The following PTPRQ variants were observed in gnomAD, a reference collection of about 807,000 sequenced individuals.
The protein encoded by PTPRQ is phosphatidylinositol phosphatase PTPRQ.
A neutral mutation model predicts 246.0 loss-of-function variants in PTPRQ; 199 were observed. The observed-to-expected ratio is 0.81, with a 90% CI of 0.72 to 0.91. PTPRQ has a LOEUF of 0.91. PTPRQ is among the 40% of genes least tolerant of loss of function. The pLI is 0.00. For missense variants in PTPRQ, 2,624 were observed against 2,528.4 expected (o/e 1.04, Z -0.81); for synonymous variants, 869 against 853.2 (o/e 1.02, Z -0.32).
At chr12:80,554,225 G>A (rs1212234515) in intron 25 of PTPRQ, among the ~76,000 whole-genome samples, 1 of 152,094 alleles carries the variant, frequency 6.6e-6, no homozygotes, top group East Asian at 1.9e-4. Flanking sequence ...TGGAATTTTT[G>A]TAACACAGGA....
intron 25 of PTPRQ, among the ~76,000 whole-genome samples, chr12:80,568,161 T>C (rs1429524580): frequency 1.3e-5 from 2 of 152,178 alleles, no homozygotes; most frequent in African/African-American, 2.4e-5. Context: ...AAAATTTTGT[T>C]ACAATATTCA....
At chr12:80,484,700 T>C in intron 9 of PTPRQ, 95 bp downstream of exon 9, 1 of 1,431,484 alleles carries the variant, frequency 7.0e-7, no homozygotes, top group South Asian at 1.4e-5. Context: ...ACATGTAATA[T>C]TTGACCACTT....
intron 23 of PTPRQ, among the ~76,000 whole-genome samples, chr12:80,543,497 T>G (rs1334309722): frequency 6.6e-6 from 1 of 152,102 alleles, no homozygotes; most frequent in Non-Finnish European, 1.5e-5. Flanking sequence ...TGCCAAAATG[T>G]AATTAACAAG....
intron 33 of PTPRQ, 122 bp from the exon 34 acceptor site, chr12:80,632,070 T>A (rs1205564026): frequency 3.9e-6 from 5 of 1,291,970 alleles, no homozygotes; most frequent in Non-Finnish European, 5.2e-6. Context: ...AGCTGCTACA[T>A]TTTACTAGTA....
chr12:80,534,847 T>C, intron 18 of PTPRQ, 45 bp from the exon 19 acceptor site: 1 of 1,524,376 alleles, frequency 6.6e-7, no homozygotes, highest in Non-Finnish European at 8.8e-7. Context: ...CAGACATTAC[T>C]TGTAAACACA....
At chr12:80,629,177 G>GAGAGAGAA (rs1342990096) in intron 33 of PTPRQ, among the ~76,000 whole-genome samples, 1 of 151,930 alleles carries the variant, frequency 6.6e-6, no homozygotes, top group African/African-American at 2.4e-5. Flanking sequence ...CACACACAGA[G>GAGAGAGAA]AGAGAGAAAG....
In PTPRQ at chr12:80,613,626, G is replaced by T. The variant is rs1286602008; in HGVS notation, c.4953G>T (p.Gln1651His). Residue 1651 changes from glutamine (Q) to histidine (H), a missense_variant, in exon 29 of 45, where the codon CAG becomes CAT. Transcript: ENST00000644991. ...PKDPPNNMTF[Q>H]KIPDEVTKFQ... Reference sequence around the variant, plus strand: ...ACCCACCTAACAACATGACATTTCAGAAGATACCAGATGAAGTTACAAAAT... The same window carrying T: ...ACCCACCTAACAACATGACATTTCATAAGATACCAGATGAAGTTACAAAAT... 1.3e-6 allele frequency: 2 copies of T among 1,544,804 alleles called. No individual in the cohort carries two copies. Among genetic ancestry groups the T allele is most frequent in the Non-Finnish European group, 1.8e-6 (2 of 1,142,576 alleles).
At chr12:80,642,251 G>A (rs1899891787) in intron 35 of PTPRQ, among the ~76,000 whole-genome samples, 1 of 152,144 alleles carries the variant, frequency 6.6e-6, no homozygotes, top group Non-Finnish European at 1.5e-5. Context: ...TTGGCTAACA[G>A]GCAGTAAGGC....
At chr12:80,454,713 T>C (rs913653908) in intron 3 of PTPRQ, among the ~76,000 whole-genome samples, 1 of 152,180 alleles carries the variant, frequency 6.6e-6, no homozygotes, top group African/African-American at 2.4e-5. Context: ...TTCCTGCATC[T>C]GTTGAGACGA....
intron 14 of PTPRQ, among the ~76,000 whole-genome samples, chr12:80,497,810 C>T (rs1202395798): frequency 3.9e-5 from 6 of 152,058 alleles, no homozygotes. Flanking sequence ...TATTTACTGA[C>T]TAGATACTGG....
intron 3 of PTPRQ, among the ~76,000 whole-genome samples, chr12:80,448,824 G>T (rs567630463): frequency 6.8e-6 from 1 of 148,078 alleles, no homozygotes; most frequent in Non-Finnish European, 1.5e-5. Context: ...GAATAGTGCC[G>T]CAATAAACAT....
At chr12:80,489,246 G>A (rs1894372025) in intron 9 of PTPRQ, among the ~76,000 whole-genome samples, 2 of 152,002 alleles carry the variant, frequency 1.3e-5, no homozygotes. Context: ...CAACACAGTA[G>A]ATTCCAGTGG....
intron 25 of PTPRQ, among the ~76,000 whole-genome samples, chr12:80,564,093 T>G (rs1209592251): frequency 6.6e-6 from 1 of 151,986 alleles, no homozygotes; most frequent in African/African-American, 2.4e-5. Flanking sequence ...CTTTTATTTA[T>G]TTATTTTTAT....
At chr12:80,650,990 A>G (rs1466393999) in intron 37 of PTPRQ, among the ~76,000 whole-genome samples, 1 of 151,982 alleles carries the variant, frequency 6.6e-6, no homozygotes, top group African/African-American at 2.4e-5. Context: ...TATTTGATAA[A>G]CCTTTTAACT....
At chr12:80,462,229 G>A (rs1324208040) in intron 6 of PTPRQ, among the ~76,000 whole-genome samples, 4 of 152,294 alleles carry the variant, frequency 2.6e-5, no homozygotes, top group Admixed American at 6.5e-5. Flanking sequence ...ACATGGCTCA[G>A]GGGGTCCTAC....
intron 8 of PTPRQ, among the ~76,000 whole-genome samples, chr12:80,472,656 G>A (rs1044877813): frequency 5.3e-5 from 8 of 152,164 alleles, no homozygotes. Context: ...AACAAAATAT[G>A]TTTATAATCA....
chr12:80,626,885 G>A (rs1434557024), intron 33 of PTPRQ, among the ~76,000 whole-genome samples: 1 of 152,036 alleles, frequency 6.6e-6, no homozygotes, highest in Non-Finnish European at 1.5e-5. Context: ...AGATAAGCAT[G>A]TGTTGCTTTT....
At chr12:80,553,345 T>C (rs1380505014) in intron 25 of PTPRQ, among the ~76,000 whole-genome samples, 1 of 148,712 alleles carries the variant, frequency 6.7e-6, no homozygotes, top group Admixed American at 6.7e-5. Flanking sequence ...CAATATTTAT[T>C]AGGTAATTGA....
intron 26 of PTPRQ, among the ~76,000 whole-genome samples, chr12:80,596,912 G>T (rs1038930301): frequency 2.6e-5 from 4 of 152,056 alleles, no homozygotes; most frequent in Admixed American, 2.6e-4. Flanking sequence ...ACCTTACTGT[G>T]TGTTTGCTAT....
Sources: gnomAD v4.1 joint callset for allele counts (sites outside exome capture counted in the v4.1 genomes callset) on GRCh38, gnomAD v4.1.1 for gene constraint, MANE v1.5 for transcripts, NCBI Gene and HGNC (gene_info 2026-07-23, HGNC 2026-07-21) for gene names.